Variants in GRB10 observed in about 807,000 individuals in gnomAD.
GRB10 encodes the protein growth factor receptor-bound protein 10.
In GRB10, 20 loss-of-function variants were observed where a neutral mutation model predicts 80.9. The ratio of observed to expected loss-of-function variants is 0.25; its 90% confidence interval spans 0.17 to 0.36. GRB10 has a LOEUF of 0.36. Among genes scored for constraint, GRB10 ranks in the 10% least tolerant of loss-of-function variants. The probability of loss-of-function intolerance (pLI) is 1.00; values close to 1 mark genes in which losing one functional copy is unlikely to be tolerated. For missense variants in GRB10, 548 were observed against 747.7 expected (o/e 0.73, Z 3.12); for synonymous variants, 291 against 291.5 (o/e 1.00, Z 0.02).
chr7:50,738,973 ATTTG>A (rs967214507), intron 3 of GRB10, among the ~76,000 whole-genome samples: 2 of 152,072 alleles, frequency 1.3e-5, no homozygotes, highest in Non-Finnish European at 2.9e-5. Flanking sequence ...ATATATTAAA[ATTTG>A]TTTATTTTAA....
intron 13 of GRB10, among the ~76,000 whole-genome samples, chr7:50,607,656 G>A (rs747841373): frequency 1.3e-5 from 2 of 152,194 alleles, no homozygotes; most frequent in Non-Finnish European, 2.9e-5. Context: ...CAGAACTGAA[G>A]CACAGAGGAA....
chr7:50,715,084 C>G (rs1277850467), intron 4 of GRB10, among the ~76,000 whole-genome samples: 2 of 151,894 alleles, frequency 1.3e-5, no homozygotes, highest in African/African-American at 4.8e-5. Context: ...TTTCTAAGTC[C>G]CTCCCACAGG....
chr7:50,775,759 G>A (rs1218691727), intron 2 of GRB10, among the ~76,000 whole-genome samples: 1 of 152,222 alleles, frequency 6.6e-6, no homozygotes, highest in Non-Finnish European at 1.5e-5. Context: ...TGCATCCACA[G>A]CTCTTGCACT....
chr7:50,761,563 C>T (rs2075768449), intron 2 of GRB10: 1 of 152,172 alleles, frequency 6.6e-6, no homozygotes, highest in African/African-American at 2.4e-5. Context: ...AATGACATCC[C>T]CATTAACATT....
chr7:50,621,767 A>T (rs1473672414), intron 8 of GRB10, among the ~76,000 whole-genome samples: 1 of 152,250 alleles, frequency 6.6e-6, no homozygotes, highest in African/African-American at 2.4e-5. Flanking sequence ...AATATTCCAA[A>T]AATAATTTCA....
At chr7:50,644,957 G>C (rs1262553860) in intron 7 of GRB10, among the ~76,000 whole-genome samples, 1 of 152,218 alleles carries the variant, frequency 6.6e-6, no homozygotes, top group Non-Finnish European at 1.5e-5. Flanking sequence ...AGCAGGCACA[G>C]GATGGCTAAA....
chr7:50,759,693 C>T (rs1214465342), intron 2 of GRB10, among the ~76,000 whole-genome samples: 4 of 152,120 alleles, frequency 2.6e-5, no homozygotes, highest in Admixed American at 1.3e-4. Flanking sequence ...AACCCACAGA[C>T]GCACAAGCTG....
At chr7:50,635,469 T>TA (rs1184992722) in intron 7 of GRB10, among the ~76,000 whole-genome samples, 2 of 150,386 alleles carry the variant, frequency 1.3e-5, no homozygotes, top group East Asian at 2.0e-4. Context: ...CTCAAGGAAC[T>TA]AAAAAAACAA....
chr7:50,714,014 C>A (rs1008564350), intron 4 of GRB10, among the ~76,000 whole-genome samples: 2 of 151,938 alleles, frequency 1.3e-5, no homozygotes, highest in African/African-American at 2.4e-5. Flanking sequence ...CCACACTCTT[C>A]ATTATCTCTA....
At chr7:50,606,452 A>G in intron 13 of GRB10, 38 bp from the exon 14 acceptor site, 2 of 1,506,568 alleles carry the variant, frequency 1.3e-6, no homozygotes, top group Non-Finnish European at 1.8e-6. Context: ...CCGGCCCGGG[A>G]GCCCCGAGGC....
At chr7:50,613,916 G>A (rs1197762643) in intron 12 of GRB10, among the ~76,000 whole-genome samples, 1 of 152,196 alleles carries the variant, frequency 6.6e-6, no homozygotes, top group Admixed American at 6.5e-5. Context: ...TCAGCCTACA[G>A]GGCAAACTCC....
chr7:50,713,365 C>T (rs376868766), intron 4 of GRB10, among the ~76,000 whole-genome samples: 1 of 151,942 alleles, frequency 6.6e-6, no homozygotes, highest in African/African-American at 2.4e-5. Context: ...ACTTCTCCTG[C>T]CACATCAGCT....
At chr7:50,711,291 C>T (rs1268557867) in intron 4 of GRB10, among the ~76,000 whole-genome samples, 1 of 149,992 alleles carries the variant, frequency 6.7e-6, no homozygotes, top group East Asian at 2.0e-4. Context: ...CCTGCAGCTA[C>T]CCTCAGATTT....
intron 9 of GRB10, among the ~76,000 whole-genome samples, 167 bp from the exon 10 acceptor site, chr7:50,618,306 T>A (rs1051398293): frequency 6.6e-6 from 1 of 152,206 alleles, no homozygotes; most frequent in Non-Finnish European, 1.5e-5. Context: ...AAGAAACACC[T>A]CCTTCAAAAG....
At position 50,591,267 on chromosome 7, in the gene GRB10, C is replaced by A. The variant is rs4265140; in HGVS notation, c.*1685G>T. The A allele has an allele frequency of 0.99, 151,472 of 152,382 alleles. 75,289 individuals carry two copies. The highest frequency in any genetic ancestry group is 1 in the Middle Eastern group (294 of 294). 9.4% of individuals were successfully genotyped at this position (152,382 alleles called of 1,614,324 possible). On this transcript the variant is annotated 3_prime_UTR_variant, in exon 19 of 19. Coordinates refer to ENST00000401949, the MANE Select transcript of GRB10 (RefSeq NM_001350814.2). ...AACTAGAGTGTGGTCTGTAGACTGA[C>A]ATACAGTGTTACTATACGGTAGACT...
At chr7:50,613,785 T>C (rs2050017874) in intron 12 of GRB10, among the ~76,000 whole-genome samples, 2 of 152,196 alleles carry the variant, frequency 1.3e-5, no homozygotes, top group Admixed American at 6.5e-5. Context: ...CTATTACTTA[T>C]AACCGAAAGA....
chr7:50,669,305 A>C (rs2060119641), intron 7 of GRB10, among the ~76,000 whole-genome samples: 1 of 152,168 alleles, frequency 6.6e-6, no homozygotes, highest in Non-Finnish European at 1.5e-5. Context: ...TCTGATGAGG[A>C]CTTAGGAGCT....
chr7:50,660,557 C>T (rs2059154822), intron 7 of GRB10, among the ~76,000 whole-genome samples: 1 of 152,076 alleles, frequency 6.6e-6, no homozygotes. Context: ...GAGCTGGGTT[C>T]TGCCCCAGCA....
At chr7:50,785,470 C>G (rs543926800), upstream of GRB10, among the ~76,000 whole-genome samples, 1 of 152,244 alleles carries the variant, frequency 6.6e-6, no homozygotes, top group Non-Finnish European at 1.5e-5. Context: ...CACCCAGCAC[C>G]TGCAGGGATG....
Sources: gnomAD v4.1 joint callset for allele counts (sites outside exome capture counted in the v4.1 genomes callset) on GRCh38, gnomAD v4.1.1 for gene constraint, MANE v1.5 for transcripts, NCBI Gene and HGNC (gene_info 2026-07-23, HGNC 2026-07-21) for gene names.